Variants in SPACA7 observed in about 807,000 individuals in gnomAD.
The protein encoded by SPACA7 is sperm acrosome-associated protein 7.
SPACA7 carries 19 observed loss-of-function variants against 26.3 expected under a neutral mutation model. The ratio of observed to expected loss-of-function variants is 0.72; its 90% confidence interval spans 0.50 to 1.06. The LOEUF is 1.06. Among genes scored for constraint, SPACA7 ranks in the 50% least tolerant of loss-of-function variants. The pLI is 0.00. For missense variants in SPACA7, 211 were observed against 229.9 expected, an observed-to-expected ratio of 0.92 and a Z score of 0.53; for synonymous variants, 84 against 84.5, an observed-to-expected ratio of 0.99 and a Z score of 0.04.
chr13:112,391,113 C>T (rs1884859562), intron 1 of SPACA7, among the ~76,000 whole-genome samples: 1 of 152,208 alleles, frequency 6.6e-6, no homozygotes, highest in Admixed American at 6.5e-5. Context: ...CTTAGGAAAG[C>T]ATTCAGGTCA....
intron 5 of SPACA7, among the ~76,000 whole-genome samples, chr13:112,415,950 G>A (rs1264785724): frequency 1.3e-5 from 2 of 152,110 alleles, no homozygotes; most frequent in East Asian, 3.9e-4. Flanking sequence ...GTGTTCCACT[G>A]TGGTGAGGCC....
At chr13:112,419,677 C>T (rs1162362070) in intron 5 of SPACA7, among the ~76,000 whole-genome samples, 2 of 152,162 alleles carry the variant, frequency 1.3e-5, no homozygotes, top group African/African-American at 4.8e-5. Flanking sequence ...ACAAGAAATA[C>T]CACCCAAGAC....
chr13:112,425,255 G>A (rs1876422592), intron 5 of SPACA7, among the ~76,000 whole-genome samples: 1 of 152,112 alleles, frequency 6.6e-6, no homozygotes, highest in South Asian at 2.1e-4. Context: ...CAGAGGGCAT[G>A]AGTTGAAAAA....
intron 1 of SPACA7, among the ~76,000 whole-genome samples, chr13:112,377,908 C>A (rs1278571748): frequency 1.3e-5 from 2 of 152,194 alleles, no homozygotes; most frequent in African/African-American, 4.8e-5. Context: ...TAGTTGGAAA[C>A]ACAGTTTCCG....
chr13:112,432,556 T>G, intron 6 of SPACA7, 35 bp downstream of exon 6: 4 of 1,478,454 alleles, frequency 2.7e-6, no homozygotes, highest in Non-Finnish European at 2.8e-6. Flanking sequence ...GTCTTCTCAT[T>G]TGGGGATTCT....
chr13:112,419,970 A>G (rs932499389), intron 5 of SPACA7, among the ~76,000 whole-genome samples: 4 of 152,230 alleles, frequency 2.6e-5, no homozygotes, highest in African/African-American at 7.2e-5. Flanking sequence ...CATACTGTGA[A>G]CACAAGGCAA....
intron 5 of SPACA7, among the ~76,000 whole-genome samples, chr13:112,415,195 A>G (rs1886612929): frequency 1.3e-5 from 2 of 152,124 alleles, no homozygotes. Flanking sequence ...CTCCACACTG[A>G]GCTGCCTGGA....
chr13:112,434,171 C>T (rs557979086), intron 6 of SPACA7, among the ~76,000 whole-genome samples: 2 of 152,300 alleles, frequency 1.3e-5, no homozygotes, highest in Admixed American at 6.5e-5. Context: ...GATCCACAGC[C>T]GGCCGCCATG....
chr13:112,405,493 C>T (rs1214704860), intron 5 of SPACA7, among the ~76,000 whole-genome samples: 1 of 152,060 alleles, frequency 6.6e-6, no homozygotes, highest in Non-Finnish European at 1.5e-5. Flanking sequence ...CTTTGTTTTT[C>T]ATAATAATTT....
At chr13:112,422,204 G>A (rs373532152) in intron 5 of SPACA7, among the ~76,000 whole-genome samples, 1 of 152,154 alleles carries the variant, frequency 6.6e-6, no homozygotes, top group Non-Finnish European at 1.5e-5. Context: ...AGGAAAACTA[G>A]ATCATTTTAG....
intron 1 of SPACA7, among the ~76,000 whole-genome samples, chr13:112,390,495 G>A (rs1884815794): frequency 6.6e-6 from 1 of 152,184 alleles, no homozygotes; most frequent in Non-Finnish European, 1.5e-5. Flanking sequence ...CTCTGTATTA[G>A]TCAGTTCTTG....
chr13:112,418,687 G>A (rs755582537), intron 5 of SPACA7, among the ~76,000 whole-genome samples: 2 of 152,152 alleles, frequency 1.3e-5, no homozygotes, highest in South Asian at 2.1e-4. Flanking sequence ...TGCCAAAGGT[G>A]AGCTTATAAT....
intron 5 of SPACA7, among the ~76,000 whole-genome samples, chr13:112,430,987 T>C (rs1042386805): frequency 6.6e-6 from 1 of 152,234 alleles, no homozygotes; most frequent in Non-Finnish European, 1.5e-5. Context: ...GTAATCTCTC[T>C]GGTGTAGGTT....
At chr13:112,402,973 T>C (rs1885742709) in intron 5 of SPACA7, among the ~76,000 whole-genome samples, 1 of 152,116 alleles carries the variant, frequency 6.6e-6, no homozygotes, top group Admixed American at 6.5e-5. Flanking sequence ...AAACCTATCT[T>C]TATCAGGTTG....
At chr13:112,397,629 G>A in intron 2 of SPACA7, among the ~76,000 whole-genome samples, 1 of 152,182 alleles carries the variant, frequency 6.6e-6, no homozygotes, top group East Asian at 1.9e-4. Flanking sequence ...AACCCATAGG[G>A]ACGTAAAAGA....
intron 1 of SPACA7, among the ~76,000 whole-genome samples, chr13:112,377,979 G>A (rs1304804644): frequency 6.6e-6 from 1 of 152,188 alleles, no homozygotes; most frequent in African/African-American, 2.4e-5. Flanking sequence ...ATCTTCAGCC[G>A]ATGGGGCAAG....
chr13:112,410,519 C>G (rs959285802), intron 5 of SPACA7, among the ~76,000 whole-genome samples: 4 of 151,898 alleles, frequency 2.6e-5, no homozygotes, highest in African/African-American at 7.3e-5. Context: ...AATTCTGACA[C>G]ATAGTAAAAC....
chr13:112,417,511 C>T (rs1886766729), intron 5 of SPACA7, among the ~76,000 whole-genome samples: 1 of 152,100 alleles, frequency 6.6e-6, no homozygotes, highest in South Asian at 2.1e-4. Flanking sequence ...TTTAATCTTA[C>T]AGGACCATAC....
At chr13:112,407,637 G>T (rs944243969) in intron 5 of SPACA7, among the ~76,000 whole-genome samples, 16 of 152,032 alleles carry the variant, frequency 1.1e-4, no homozygotes, top group African/African-American at 3.9e-4. Flanking sequence ...ATAAATTCCT[G>T]GACACGTACA....
Sources: gnomAD v4.1 joint callset for allele counts (sites outside exome capture counted in the v4.1 genomes callset) on GRCh38, gnomAD v4.1.1 for gene constraint, MANE v1.5 for transcripts, NCBI Gene and HGNC (gene_info 2026-07-23, HGNC 2026-07-21) for gene names.